ATRNL1: variants seen among roughly 807,000 people sequenced by gnomAD.
ATRNL1 encodes attractin like 1, also known as attractin-like protein 1.
A neutral mutation model predicts 182.7 loss-of-function variants in ATRNL1; 95 were observed. That is an observed-to-expected ratio of 0.52 (90% CI 0.44 to 0.62). ATRNL1 has a LOEUF of 0.62. Among genes scored for constraint, ATRNL1 ranks in the 20% least tolerant of loss-of-function variants. ATRNL1 has a pLI of 0.00. For synonymous variants in ATRNL1, 576 were observed against 568.3 expected, an observed-to-expected ratio of 1.01 and a Z score of -0.19; for missense variants, 1,471 against 1,679.5, an observed-to-expected ratio of 0.88 and a Z score of 2.17.
chr10:115,592,380 C>T (rs1452601533), intron 26 of ATRNL1, among the ~76,000 whole-genome samples: 1 of 152,134 alleles, frequency 6.6e-6, no homozygotes, highest in Non-Finnish European at 1.5e-5. Flanking sequence ...ATTCATACAC[C>T]ATACATTTTA....
intron 25 of ATRNL1, among the ~76,000 whole-genome samples, chr10:115,538,684 A>C (rs2133777281): frequency 6.6e-6 from 1 of 152,258 alleles, no homozygotes; most frequent in African/African-American, 2.4e-5. Context: ...TTATGGAGTG[A>C]AAAGTTTTAG....
At chr10:115,316,179 A>G (rs1489162410) in intron 18 of ATRNL1, among the ~76,000 whole-genome samples, 1 of 151,614 alleles carries the variant, frequency 6.6e-6, no homozygotes, top group Non-Finnish European at 1.5e-5. Flanking sequence ...TCATTGTTCA[A>G]CTCCCACTTT....
intron 28 of ATRNL1, chr10:115,909,406 C>T (rs1192302851): frequency 6.6e-6 from 1 of 151,996 alleles, no homozygotes; most frequent in East Asian, 1.9e-4. Context: ...AAGACAAAGC[C>T]CTTATGAGAT....
intron 17 of ATRNL1, among the ~76,000 whole-genome samples, chr10:115,307,012 A>C (rs1370994581): frequency 6.6e-6 from 1 of 152,170 alleles, no homozygotes; most frequent in Non-Finnish European, 1.5e-5. Flanking sequence ...TCAGGTCTTC[A>C]GGTCTGCCAT....
At chr10:115,744,090 T>A (rs543924974) in intron 27 of ATRNL1, among the ~76,000 whole-genome samples, 1 of 152,224 alleles carries the variant, frequency 6.6e-6, no homozygotes, top group African/African-American at 2.4e-5. Flanking sequence ...TCAAAACTTT[T>A]AAAAATGTAT....
chr10:115,550,519 T>C (rs1426342907), intron 26 of ATRNL1, among the ~76,000 whole-genome samples: 1 of 151,854 alleles, frequency 6.6e-6, no homozygotes, highest in East Asian at 1.9e-4. Context: ...TATAATATAT[T>C]TGCAAACTGG....
At chr10:115,428,899 A>G (rs2134404567) in intron 21 of ATRNL1, among the ~76,000 whole-genome samples, 1 of 152,234 alleles carries the variant, frequency 6.6e-6, no homozygotes, top group Admixed American at 6.5e-5. Context: ...GCTTTTGCTT[A>G]ACTACTTTAG....
intron 21 of ATRNL1, among the ~76,000 whole-genome samples, chr10:115,453,906 C>G (rs1195686804): frequency 2.0e-5 from 3 of 151,552 alleles, no homozygotes; most frequent in Non-Finnish European, 4.4e-5. Flanking sequence ...ATGTAACTAA[C>G]CTGCACATTG....
intron 27 of ATRNL1, among the ~76,000 whole-genome samples, chr10:115,733,160 CTAAT>C (rs577892328): frequency 6.6e-6 from 1 of 152,138 alleles, no homozygotes; most frequent in African/African-American, 2.4e-5. Context: ...GTCAAGTAGG[CTAAT>C]TAATAATTTT....
chr10:115,698,836 G>T (rs1353437747), intron 26 of ATRNL1, among the ~76,000 whole-genome samples: 1 of 151,672 alleles, frequency 6.6e-6, no homozygotes, highest in Non-Finnish European at 1.5e-5. Flanking sequence ...ATCCAGAAAT[G>T]GCCATTACTA....
chr10:115,924,564 T>C (rs1953163650), intron 28 of ATRNL1, among the ~76,000 whole-genome samples: 2 of 152,158 alleles, frequency 1.3e-5, no homozygotes, highest in African/African-American at 2.4e-5. Flanking sequence ...GTTGTAGATG[T>C]GTGGCGTTAT....
intron 28 of ATRNL1, among the ~76,000 whole-genome samples, chr10:115,853,639 G>A (rs1482055017): frequency 1.3e-5 from 2 of 152,146 alleles, no homozygotes; most frequent in Non-Finnish European, 2.9e-5. Context: ...CTTTGTTAGA[G>A]GTGGCTAGAA....
intron 20 of ATRNL1, among the ~76,000 whole-genome samples, chr10:115,418,218 AAACTT>A (rs1845489188): frequency 6.6e-6 from 1 of 152,252 alleles, no homozygotes; most frequent in South Asian, 2.1e-4. Context: ...TACATGAACA[AAACTT>A]AAGAGATTGA....
At chr10:115,582,438 T>C (rs1855177205) in intron 26 of ATRNL1, among the ~76,000 whole-genome samples, 1 of 136,802 alleles carries the variant, frequency 7.3e-6, no homozygotes, top group African/African-American at 2.6e-5. Flanking sequence ...ATTGCCATTC[T>C]AACTGGTGTG....
At chr10:115,435,576 T>C (rs1271337817) in intron 21 of ATRNL1, among the ~76,000 whole-genome samples, 4 of 152,212 alleles carry the variant, frequency 2.6e-5, no homozygotes, top group African/African-American at 7.2e-5. Flanking sequence ...CTAAGACATA[T>C]GGCAAGTCAT....
chr10:115,265,673 A>G (rs912564730), intron 11 of ATRNL1, among the ~76,000 whole-genome samples: 1 of 151,742 alleles, frequency 6.6e-6, no homozygotes, highest in South Asian at 2.1e-4. Context: ...TTCTCATTTT[A>G]GTTCTGTCAT....
chr10:115,678,317 T>A (rs1250735861), intron 26 of ATRNL1, among the ~76,000 whole-genome samples: 1 of 152,060 alleles, frequency 6.6e-6, no homozygotes, highest in African/African-American at 2.4e-5. Flanking sequence ...TTAACTAATA[T>A]AAGTACAATT....
chr10:115,818,810 A>G (rs191379940), intron 27 of ATRNL1, among the ~76,000 whole-genome samples: 120 of 152,202 alleles, frequency 7.9e-4, no homozygotes, highest in African/African-American at 2.5e-3. Flanking sequence ...AAGTCATTCA[A>G]AAATACATAT....
chr10:115,286,171 G>C (rs200995243), intron 14 of ATRNL1, 45 bp from the exon 15 acceptor site: 3 of 897,566 alleles, frequency 3.3e-6, no homozygotes, highest in African/African-American at 3.4e-5. Context: ...AAATACATTT[G>C]CTTTTTGGTA....
Sources: allele counts gnomAD v4.1 joint callset (sites outside exome capture counted in the v4.1 genomes callset), GRCh38; gene constraint gnomAD v4.1.1; transcripts MANE v1.5; gene names NCBI Gene and HGNC (gene_info 2026-07-23, HGNC 2026-07-21).